The following SCMH1 variants were observed in gnomAD, a reference collection of about 807,000 sequenced individuals.
SCMH1 encodes the protein polycomb protein SCMH1.
Under a neutral mutation model 70.8 loss-of-function variants are expected in SCMH1, and 37 were observed. That is an observed-to-expected ratio of 0.52 (90% CI 0.40 to 0.69). SCMH1 has a LOEUF of 0.69. Ranked by LOEUF, SCMH1 falls within the 30% of genes least tolerant of loss-of-function variation. The pLI, the probability that SCMH1 is intolerant of heterozygous loss-of-function variation, is 0.00. For synonymous variants in SCMH1, 292 were observed against 307.4 expected, an observed-to-expected ratio of 0.95 and a Z score of 0.52; for missense variants, 607 against 827.3, an observed-to-expected ratio of 0.73 and a Z score of 3.27.
intron 1 of SCMH1, among the ~76,000 whole-genome samples, chr1:41,215,033 T>C (rs1657806966): frequency 6.6e-6 from 1 of 152,170 alleles, no homozygotes; most frequent in Non-Finnish European, 1.5e-5. Flanking sequence ...AACAACTCCA[T>C]GTGTATGTTA....
intron 10 of SCMH1, among the ~76,000 whole-genome samples, chr1:41,060,782 G>C (rs985460150): frequency 6.6e-6 from 1 of 151,990 alleles, no homozygotes; most frequent in Non-Finnish European, 1.5e-5. Context: ...GTAGCTTGGG[G>C]CTACAGGCAT....
rs74069098 is a variant in SCMH1, at chr1:41,193,403, C to T, written c.-117-7153G>A. Among the ~76,000 whole-genome samples the T allele has an allele frequency of 6.7e-3, 1,016 of 152,070 alleles. 15 individuals carry two copies. Among genetic ancestry groups the T allele is most frequent in the African/African-American group, 0.024 (978 of 41,464 alleles). ...CCTGTTCATGCTCACAAAGAACTCA[C>T]AGATTAGTAGGAAAGATAGCAATTC... On this transcript the variant is annotated intron_variant, in intron 1 of 14. Transcript: ENST00000337495.
At chr1:41,220,393 GCCCTATAAATGACTGAAAT>G (rs1659010923) in intron 1 of SCMH1, among the ~76,000 whole-genome samples, 1 of 152,236 alleles carries the variant, frequency 6.6e-6, no homozygotes, top group Non-Finnish European at 1.5e-5. Flanking sequence ...TGTGAACTAA[GCCCTATAAATGACTGAAAT>G]ACATTTTACA....
At chr1:41,076,551 C>T (rs1208963253) in intron 8 of SCMH1, among the ~76,000 whole-genome samples, 1 of 152,062 alleles carries the variant, frequency 6.6e-6, no homozygotes, top group Non-Finnish European at 1.5e-5. Flanking sequence ...ACACAATATA[C>T]GGTATAATGT....
intron 1 of SCMH1, among the ~76,000 whole-genome samples, chr1:41,233,001 T>C (rs1383287942): frequency 6.6e-6 from 1 of 152,170 alleles, no homozygotes; most frequent in Non-Finnish European, 1.5e-5. Flanking sequence ...AGAACCAGAT[T>C]CCAGTTTTTG....
intron 6 of SCMH1, among the ~76,000 whole-genome samples, chr1:41,125,374 C>A (rs909004655): frequency 6.6e-6 from 1 of 151,712 alleles, no homozygotes; most frequent in Admixed American, 6.6e-5. Context: ...TGTCATCATG[C>A]CCAGATAATT....
chr1:41,176,389 G>A (rs958139618), intron 2 of SCMH1, among the ~76,000 whole-genome samples: 1 of 152,198 alleles, frequency 6.6e-6, no homozygotes, highest in African/African-American at 2.4e-5. Context: ...ACAGGGGAGT[G>A]TCGGACAGTG....
At chr1:41,073,429 GC>G (rs1657196972) in intron 9 of SCMH1, among the ~76,000 whole-genome samples, 1 of 152,116 alleles carries the variant, frequency 6.6e-6, no homozygotes, top group Non-Finnish European at 1.5e-5. Context: ...CATCCTTAGG[GC>G]CTTCAGCCTC....
intron 5 of SCMH1, among the ~76,000 whole-genome samples, chr1:41,149,949 TTTTC>T (rs1194219809): frequency 1.3e-5 from 2 of 152,136 alleles, no homozygotes; most frequent in African/African-American, 4.8e-5. Flanking sequence ...ATCACTGTGG[TTTTC>T]TTTGTGTGCA....
At chr1:41,174,987 T>G (rs1337128680) in intron 2 of SCMH1, among the ~76,000 whole-genome samples, 1 of 152,214 alleles carries the variant, frequency 6.6e-6, no homozygotes, top group Non-Finnish European at 1.5e-5. Context: ...CATTTGGAGA[T>G]CAAGTATGGC....
intron 6 of SCMH1, among the ~76,000 whole-genome samples, chr1:41,134,856 T>C (rs1643006694): frequency 6.6e-6 from 1 of 152,226 alleles, no homozygotes; most frequent in South Asian, 2.1e-4. Flanking sequence ...GGTATAAACA[T>C]ACTTTTTTCC....
In SCMH1 at chr1:41,056,600, C is replaced by T. The variant is rs1650400117; in HGVS notation, c.1106-7710G>A. Among the ~76,000 whole-genome samples, 7 of 152,302 alleles carry T rather than the reference C, an allele frequency of 4.6e-5. No homozygotes were observed. In the South Asian group the frequency reaches 1.4e-3, roughly 32 times the overall value. On this transcript the variant is annotated intron_variant, in intron 10 of 14. Transcript: ENST00000337495. ...CTGAATAAGCTGAAAAGTCAACAATCCTTACATCTGTCAGAGAAGTAAGGT... is the reference window on the plus strand; with the variant it reads ...CTGAATAAGCTGAAAAGTCAACAATTCTTACATCTGTCAGAGAAGTAAGGT...
At position 41,096,710 on chromosome 1, in the gene SCMH1, G is replaced by C. The variant is rs375876155; in HGVS notation, c.745+16573C>G. Among the ~76,000 whole-genome samples, 39 of 152,240 alleles carry C rather than the reference G, an allele frequency of 2.6e-4. No homozygotes were observed. The East Asian group carries it at 6.9e-3, about 27-fold the overall frequency. On this transcript the variant is annotated intron_variant, in intron 8 of 14. Coordinates refer to ENST00000337495, the Ensembl canonical transcript of SCMH1. ...CTCCTGTAGAGGATACAGTCAAAGG[G>C]AATCCTGTTCTATGGCCATAGTGGA... is the stretch of plus-strand genomic sequence containing the variant.
intron 8 of SCMH1, among the ~76,000 whole-genome samples, chr1:41,101,460 T>G (rs919098900): frequency 6.6e-6 from 1 of 152,236 alleles, no homozygotes; most frequent in African/African-American, 2.4e-5. Flanking sequence ...TCTTAACCAA[T>G]GTAACTTTTA....
intron 4 of SCMH1, among the ~76,000 whole-genome samples, 171 bp from the exon 5 acceptor site, chr1:41,151,855 C>T (rs1645103802): frequency 6.6e-6 from 1 of 152,100 alleles, no homozygotes; most frequent in Admixed American, 6.6e-5. Context: ...TCTAAGTGAC[C>T]TGAGCGGATG....
chr1:41,218,970 G>A (rs1297775972), intron 1 of SCMH1, among the ~76,000 whole-genome samples: 2 of 152,102 alleles, frequency 1.3e-5, no homozygotes, highest in Non-Finnish European at 2.9e-5. Flanking sequence ...TAGTCAGATG[G>A]TTCAATATGT....
chr1:41,140,831 T>C (rs920166816), intron 6 of SCMH1, among the ~76,000 whole-genome samples: 8 of 152,148 alleles, frequency 5.3e-5, no homozygotes, highest in African/African-American at 1.9e-4. Flanking sequence ...TCAAATAGTA[T>C]CAAACAGTAT....
chr1:41,151,540 C>G, intron 5 of SCMH1, 74 bp downstream of exon 5: 1 of 1,191,266 alleles, frequency 8.4e-7, no homozygotes. Context: ...GCTTCCACCT[C>G]CTGTTTTGAT....
At chr1:41,227,903 T>A (rs1397766394) in intron 1 of SCMH1, among the ~76,000 whole-genome samples, 1 of 151,976 alleles carries the variant, frequency 6.6e-6, no homozygotes, top group Non-Finnish European at 1.5e-5. Flanking sequence ...ATGTGAACCC[T>A]GGAGGTGGAG....
Sources: allele counts gnomAD v4.1 joint callset (sites outside exome capture counted in the v4.1 genomes callset), GRCh38; gene constraint gnomAD v4.1.1; transcripts MANE v1.5; gene names NCBI Gene and HGNC (gene_info 2026-07-23, HGNC 2026-07-21).